WDFY4: variants seen among roughly 807,000 people sequenced by gnomAD.
The protein encoded by WDFY4 is WDFY family member 4.
In WDFY4, 169 loss-of-function variants were observed where a neutral mutation model predicts 351.9. The observed-to-expected ratio is 0.48, with a 90% confidence interval of 0.42 to 0.55. WDFY4 has a LOEUF of 0.55. Ranked by LOEUF, WDFY4 falls within the 20% of genes least tolerant of loss-of-function variation. The probability of loss-of-function intolerance (pLI) is 0.00; values close to 1 mark genes in which losing one functional copy is unlikely to be tolerated. For synonymous variants in WDFY4, 1,622 were observed against 1,574.6 expected, an observed-to-expected ratio of 1.03 and a Z score of -0.71; for missense variants, 3,803 against 3,935.6, an observed-to-expected ratio of 0.97 and a Z score of 0.90.
At position 48,964,025 on chromosome 10, in the gene WDFY4, G is replaced by C; in HGVS notation, c.8407G>C (p.Val2803Leu). 6.5e-7 allele frequency: 1 copy of C among 1,550,122 alleles called. No individual in the cohort carries two copies. The highest frequency in any genetic ancestry group is 8.7e-7 in the Non-Finnish European group (1 of 1,146,956). Residue 2803 changes from valine (V) to leucine (L), a missense_variant, in exon 54 of 62, where the codon GTC becomes CTC. Physicochemically the swap from Val to Leu is conservative, Grantham distance 32. Coordinates refer to ENST00000325239, the MANE Select transcript of WDFY4 (RefSeq NM_001394531.1). ...CATCAAAAGCACCATCCTGGGGTTT[G>C]TCAGCAACTTTGGACAGGTGCCCAA... ...PLIKSTILGF[V>L]SNFGQVPKQL...
intron 24 of WDFY4, among the ~76,000 whole-genome samples, chr10:48,801,282 A>T (rs1025467679): frequency 3.9e-5 from 6 of 152,208 alleles, no homozygotes; most frequent in Admixed American, 3.3e-4. Flanking sequence ...GCAGCCTCAA[A>T]TGGGTGTGGC....
At chr10:48,789,759 T>G (rs978219256) in intron 21 of WDFY4, 115 bp from the exon 22 acceptor site, 2 of 876,870 alleles carry the variant, frequency 2.3e-6, no homozygotes, top group Admixed American at 2.3e-5. Context: ...TGATCATTGC[T>G]GATGGAGTGT....
At chr10:48,932,799 G>A (rs767491203) in intron 47 of WDFY4, among the ~76,000 whole-genome samples, 22 of 152,180 alleles carry the variant, frequency 1.4e-4, no homozygotes, top group Non-Finnish European at 3.1e-4. Context: ...CTCAGACTGA[G>A]GTGGGTGGGG....
intron 12 of WDFY4, among the ~76,000 whole-genome samples, chr10:48,755,314 A>G (rs746454160): frequency 2.0e-5 from 3 of 152,142 alleles, no homozygotes; most frequent in South Asian, 2.1e-4. Flanking sequence ...CTCCCAGCCT[A>G]TAGCTTATCT....
intron 47 of WDFY4, among the ~76,000 whole-genome samples, chr10:48,928,128 G>A (rs2663025): frequency 0.94 from 143,227 of 152,196 alleles, 67,762 homozygotes; most frequent in East Asian, 1. Context: ...CTCTCCTCCC[G>A]CAGATTAGGA....
chr10:48,929,495 C>T (rs995408115), intron 47 of WDFY4, among the ~76,000 whole-genome samples: 3 of 152,174 alleles, frequency 2.0e-5, no homozygotes, highest in Non-Finnish European at 2.9e-5. Context: ...TAGAGGCTGC[C>T]TCTGCCACGT....
chr10:48,913,816 G>C (rs1232793261), intron 47 of WDFY4: 1 of 1,614,080 alleles, frequency 6.2e-7, no homozygotes, highest in African/African-American at 1.3e-5. Context: ...AGCTCCACGG[G>C]CAGCCCGTTG....
At chr10:48,697,183 G>A (rs2063352805) in intron 1 of WDFY4, among the ~76,000 whole-genome samples, 1 of 152,232 alleles carries the variant, frequency 6.6e-6, no homozygotes, top group South Asian at 2.1e-4. Context: ...GTCTCACCCA[G>A]CTCACAGGTA....
intron 53 of WDFY4, among the ~76,000 whole-genome samples, chr10:48,961,667 C>T (rs2131797147): frequency 6.6e-6 from 1 of 152,242 alleles, no homozygotes; most frequent in Admixed American, 6.5e-5. Context: ...AGATCACAGT[C>T]ACTGAGGATG....
chr10:48,968,820 G>A (rs1351181735), intron 55 of WDFY4: 6 of 511,970 alleles, frequency 1.2e-5, no homozygotes, highest in Non-Finnish European at 1.8e-5. Context: ...GGGAGGATGG[G>A]AATTGTGCCT....
rs191084810 is a variant in WDFY4, at chr10:48,959,861, C to T, written c.8223+48C>T. 5.4e-6 allele frequency: 8 copies of T among 1,494,012 alleles called. No individual in the cohort carries two copies. In the East Asian group the frequency reaches 2.0e-4, roughly 37 times the overall value. The allele number at this position is 1,494,012 out of a possible 1,614,324, so 92.5% of individuals were successfully genotyped here. On this transcript the variant is annotated intron_variant, in intron 53 of 61. Transcript: ENST00000325239. The stretch of plus-strand genomic sequence containing the variant: ...GTATCCTGCTGGGGACCTGAACATC[C>T]CCTCAAGTTCCACCGAGGCTTTCTG...
chr10:48,941,906 G>GC, intron 48 of WDFY4, 58 bp downstream of exon 48: 1 of 1,507,878 alleles, frequency 6.6e-7, no homozygotes, highest in East Asian at 2.5e-5. Flanking sequence ...GAATGGCTCA[G>GC]GCCCCAGCGA....
intron 44 of WDFY4, among the ~76,000 whole-genome samples, chr10:48,895,208 G>A (rs151294269): frequency 5.2e-4 from 79 of 152,314 alleles, no homozygotes; most frequent in Middle Eastern, 3.4e-3. Flanking sequence ...TGCACATGCT[G>A]GACTGCCACT....
At chr10:48,905,004 T>G (rs903918059) in intron 47 of WDFY4, among the ~76,000 whole-genome samples, 1 of 152,164 alleles carries the variant, frequency 6.6e-6, no homozygotes, top group African/African-American at 2.4e-5. Context: ...TGCAGATGGT[T>G]TTCTCTCTCC....
intron 40 of WDFY4, among the ~76,000 whole-genome samples, chr10:48,870,356 C>A (rs565903010): frequency 1.3e-5 from 2 of 151,922 alleles, no homozygotes; most frequent in Non-Finnish European, 2.9e-5. Context: ...GGCATCATTG[C>A]GAGACCCCAA....
Position 48,698,015 on chromosome 10 carries a change from G to A in WDFY4, c.-17-11701G>A, listed in dbSNP as rs138374536. ...GCCCCATGCACATTTGTTCTCCTAC[G>A]GTCCTGTGCCCCAGCTCTTGAGATG... is the stretch of plus-strand genomic sequence containing the variant. On this transcript the variant is annotated intron_variant, in intron 1 of 61. Coordinates refer to ENST00000325239, the MANE Select transcript of WDFY4 (RefSeq NM_001394531.1). 4.7e-4 allele frequency among the ~76,000 whole-genome samples: 72 copies of A among 152,212 alleles called. 1 individual carries two copies. In the South Asian group the frequency reaches 0.012, roughly 25 times the overall value.
intron 47 of WDFY4, among the ~76,000 whole-genome samples, chr10:48,905,185 T>C (rs556626499): frequency 6.6e-6 from 1 of 152,218 alleles, no homozygotes; most frequent in African/African-American, 2.4e-5. Flanking sequence ...CTCAGAATCT[T>C]AGTGTTGCCT....
chr10:48,901,098 G>T lies in WDFY4; in HGVS notation c.7524-703G>T, dbSNP rs556990973. On this transcript the variant is annotated intron_variant, in intron 46 of 61. Coordinates refer to ENST00000325239, the MANE Select transcript of WDFY4 (RefSeq NM_001394531.1). ...TGGCCCTGTGGAACTGGCACCCAGG[G>T]CCCACTACTGCATCCAAGAGGCAGG... Among the ~76,000 whole-genome samples the T allele has an allele frequency of 3.3e-5, 5 of 152,310 alleles. No individual in the cohort carries two copies. In the South Asian group the frequency reaches 1.0e-3, roughly 32 times the overall value.
chr10:48,982,474 C>T, intron 61 of WDFY4, 35 bp from the exon 62 acceptor site: 1 of 1,476,692 alleles, frequency 6.8e-7, no homozygotes, highest in Non-Finnish European at 9.0e-7. Context: ...GGTACTGTCC[C>T]TCTAACGTTC....
Sources: allele counts gnomAD v4.1 joint callset (sites outside exome capture counted in the v4.1 genomes callset), GRCh38; gene constraint gnomAD v4.1.1; transcripts MANE v1.5; gene names NCBI Gene and HGNC (gene_info 2026-07-23, HGNC 2026-07-21).